ADARB2: variants seen among roughly 807,000 people sequenced by gnomAD.
ADARB2 encodes the protein inactive double-stranded RNA-specific editase B2.
In ADARB2, 25 loss-of-function variants were observed where a neutral mutation model predicts 62.2. The ratio of observed to expected loss-of-function variants is 0.40; its 90% confidence interval spans 0.29 to 0.56. ADARB2 has a LOEUF of 0.56. ADARB2 is among the 20% of genes least tolerant of loss of function. ADARB2 has a pLI of 0.43. For missense variants in ADARB2, 1,071 were observed against 1,077.4 expected, an observed-to-expected ratio of 0.99 and a Z score of 0.08; for synonymous variants, 572 against 500.8, an observed-to-expected ratio of 1.14 and a Z score of -1.90.
At chr10:1,297,419 A>G (rs760919134) in intron 3 of ADARB2, among the ~76,000 whole-genome samples, 1 of 152,226 alleles carries the variant, frequency 6.6e-6, no homozygotes, top group Admixed American at 6.5e-5. Flanking sequence ...GCAGATTTTT[A>G]GCCGTTGAAA....
intron 3 of ADARB2, among the ~76,000 whole-genome samples, chr10:1,279,303 C>CATTT (rs1831349850): frequency 1.3e-5 from 2 of 149,664 alleles, no homozygotes; most frequent in Admixed American, 1.3e-4. Context: ...TCCATGGCAT[C>CATTT]ATTTGTTTGT....
chr10:1,536,896 T>C (rs1174119203), intron 1 of ADARB2, among the ~76,000 whole-genome samples: 1 of 152,088 alleles, frequency 6.6e-6, no homozygotes, highest in African/African-American at 2.4e-5. Flanking sequence ...CAGGACATAG[T>C]CATGGGCAAA....
At chr10:1,244,895 C>T (rs1258490124) in intron 4 of ADARB2, among the ~76,000 whole-genome samples, 1 of 152,138 alleles carries the variant, frequency 6.6e-6, no homozygotes, top group Non-Finnish European at 1.5e-5. Context: ...ATTCTACGGG[C>T]CGTTGGAGCC....
intron 1 of ADARB2, among the ~76,000 whole-genome samples, chr10:1,680,993 ATG>A: frequency 6.6e-6 from 1 of 152,298 alleles, no homozygotes; most frequent in South Asian, 2.1e-4. Context: ...ATAGTGACGG[ATG>A]TGTGTCTATA....
intron 3 of ADARB2, among the ~76,000 whole-genome samples, chr10:1,339,007 G>A (rs180869416): frequency 1.5e-4 from 23 of 152,318 alleles, no homozygotes; most frequent in Admixed American, 1.2e-3. Context: ...TCAAAGCATC[G>A]CTTCTCTTGA....
chr10:1,481,598 C>T (rs559410711), intron 1 of ADARB2, among the ~76,000 whole-genome samples: 69 of 146,544 alleles, frequency 4.7e-4, no homozygotes, highest in African/African-American at 1.5e-3. Context: ...ATGGGCTGGG[C>T]ACAGTGGCTC....
At chr10:1,588,195 C>A (rs1833204620) in intron 1 of ADARB2, among the ~76,000 whole-genome samples, 1 of 152,160 alleles carries the variant, frequency 6.6e-6, no homozygotes, top group South Asian at 2.1e-4. Flanking sequence ...AGGTCACACC[C>A]TCTCCCCAAT....
At chr10:1,200,272 C>G in intron 7 of ADARB2, 125 bp from the exon 8 acceptor site, 1 of 1,347,776 alleles carries the variant, frequency 7.4e-7, no homozygotes. Context: ...CCTTGGGGAG[C>G]TCCCTGGGAG....
chr10:1,334,209 T>C (rs1831953239), intron 3 of ADARB2, among the ~76,000 whole-genome samples: 1 of 152,212 alleles, frequency 6.6e-6, no homozygotes, highest in South Asian at 2.1e-4. Context: ...GGTGAGTGTT[T>C]AGTAATCTCC....
chr10:1,547,580 G>T (rs1490409836), intron 1 of ADARB2, among the ~76,000 whole-genome samples: 2 of 89,214 alleles, frequency 2.2e-5, no homozygotes, highest in Non-Finnish European at 4.6e-5. Context: ...GAGGGGGAGA[G>T]AGGCTGTGCA....
At chr10:1,472,777 G>T (rs1184413648) in intron 1 of ADARB2, among the ~76,000 whole-genome samples, 1 of 152,144 alleles carries the variant, frequency 6.6e-6, no homozygotes, top group Admixed American at 6.5e-5. Context: ...TCTGCAGGGT[G>T]GGGGCAGGGC....
intron 8 of ADARB2, among the ~76,000 whole-genome samples, chr10:1,193,591 T>C (rs1836870349): frequency 6.6e-6 from 1 of 152,182 alleles, no homozygotes; most frequent in South Asian, 2.1e-4. Flanking sequence ...TCATTTGAGA[T>C]TGTTTTTCTT....
intron 1 of ADARB2, among the ~76,000 whole-genome samples, chr10:1,732,761 C>G (rs1034435291): frequency 6.6e-6 from 1 of 152,340 alleles, no homozygotes; most frequent in South Asian, 2.1e-4. Flanking sequence ...GCGGAGCCCA[C>G]GGCCGCTCTG....
intron 8 of ADARB2, chr10:1,186,537 C>T (rs772151600): frequency 1.9e-6 from 1 of 519,074 alleles, no homozygotes; most frequent in Admixed American, 1.9e-5. Context: ...GGCCGGGTGT[C>T]TCCCTCTCAT....
At chr10:1,610,097 T>C (rs1004099984) in intron 1 of ADARB2, among the ~76,000 whole-genome samples, 1 of 152,194 alleles carries the variant, frequency 6.6e-6, no homozygotes, top group Non-Finnish European at 1.5e-5. Context: ...GATTGTTTTA[T>C]TATGAGAGGC....
intron 1 of ADARB2, among the ~76,000 whole-genome samples, chr10:1,537,658 T>C (rs1457478408): frequency 6.6e-6 from 1 of 152,222 alleles, no homozygotes; most frequent in Non-Finnish European, 1.5e-5. Flanking sequence ...TCATGTCCTT[T>C]GCAGGGAGAT....
intron 2 of ADARB2, among the ~76,000 whole-genome samples, chr10:1,365,361 ATC>A (rs1832305514): frequency 6.6e-6 from 1 of 151,932 alleles, no homozygotes; most frequent in South Asian, 2.1e-4. Flanking sequence ...CCGTTCCCTC[ATC>A]TCTCTCCCTC....
At chr10:1,260,600 G>A (rs1204339662) in intron 4 of ADARB2, among the ~76,000 whole-genome samples, 1 of 151,996 alleles carries the variant, frequency 6.6e-6, no homozygotes, top group Non-Finnish European at 1.5e-5. Flanking sequence ...TATAAGGGAT[G>A]TGAAGGACCT....
chr10:1,207,725 T>G (rs373325823), intron 7 of ADARB2, among the ~76,000 whole-genome samples: 2 of 152,350 alleles, frequency 1.3e-5, no homozygotes, highest in South Asian at 2.1e-4. Flanking sequence ...AAAGTTTTAA[T>G]CTGTTCATTT....
Sources: allele counts gnomAD v4.1 joint callset (sites outside exome capture counted in the v4.1 genomes callset), GRCh38; gene constraint gnomAD v4.1.1; transcripts MANE v1.5; gene names NCBI Gene and HGNC (gene_info 2026-07-23, HGNC 2026-07-21).